Variants in CSMD1 observed in about 807,000 individuals in gnomAD.
CSMD1 encodes CUB and sushi domain-containing protein 1.
A neutral mutation model predicts 417.5 loss-of-function variants in CSMD1; 213 were observed. The observed-to-expected ratio is 0.51, with a 90% CI of 0.46 to 0.57. The LOEUF is 0.57. CSMD1 is among the 20% of genes least tolerant of loss of function. The pLI, the probability that CSMD1 is intolerant of heterozygous loss-of-function variation, is 0.00. For missense variants in CSMD1, 6,923 were observed against 4,529.7 expected (o/e 1.53, Z -15.17); for synonymous variants, 2,862 against 1,736.8 (o/e 1.65, Z -16.11).
intron 3 of CSMD1, among the ~76,000 whole-genome samples, chr8:4,276,416 T>G (rs971097797): frequency 1.3e-5 from 2 of 151,782 alleles, no homozygotes; most frequent in African/African-American, 4.8e-5. Flanking sequence ...TAAGTGGGAG[T>G]TGAACAATGA....
chr8:4,877,242 G>A (rs11782915), intron 1 of CSMD1, among the ~76,000 whole-genome samples: 36,274 of 151,868 alleles, frequency 0.24, 5,407 homozygotes, highest in Non-Finnish European at 0.31. Context: ...CTAAACAGAT[G>A]TACATAAGAA....
chr8:3,253,372 G>A (rs1319849712), intron 26 of CSMD1, among the ~76,000 whole-genome samples: 2 of 152,148 alleles, frequency 1.3e-5, no homozygotes, highest in Non-Finnish European at 2.9e-5. Context: ...GTTCTGGTTT[G>A]ATTGCACTGT....
Position 2,935,974 on chromosome 8 carries a change from A to T in CSMD1, c.*2611T>A, listed in dbSNP as rs1206949466. The T allele has an allele frequency of 1.3e-5, 2 of 152,234 alleles. No homozygotes were observed. The highest frequency in any genetic ancestry group is 4.8e-5 in the African/African-American group (2 of 41,464). The allele number at this position is 152,234 out of a possible 1,614,324, so 9.4% of individuals were successfully genotyped here. A position where few individuals can be genotyped will look rare whatever the true frequency, so the allele number is the denominator to read the frequency against. On this transcript the variant is annotated 3_prime_UTR_variant, in exon 70 of 70. Transcript: ENST00000635120. ...CCTCACGCGTGTTCCCGTTGCCTTCAGGGAAGAGTCTTCTAGACCTAACTC... is the reference window on the plus strand; with the variant it reads ...CCTCACGCGTGTTCCCGTTGCCTTCTGGGAAGAGTCTTCTAGACCTAACTC...
chr8:3,735,319 CACAA>C (rs772141664), intron 6 of CSMD1, among the ~76,000 whole-genome samples: 4 of 93,504 alleles, frequency 4.3e-5, no homozygotes, highest in Non-Finnish European at 8.5e-5. Context: ...AAACAAAACA[CACAA>C]ACACACACAC....
chr8:3,937,024 G>A (rs1049753001), intron 5 of CSMD1, among the ~76,000 whole-genome samples: 1 of 152,260 alleles, frequency 6.6e-6, no homozygotes, highest in South Asian at 2.1e-4. Flanking sequence ...GGTTTCAGTG[G>A]AGGAAGTAAC....
rs746268570 is a variant in CSMD1, at chr8:3,712,375, GGAGA to G, written c.932-3888_932-3885del. Among the ~76,000 whole-genome samples the G allele has an allele frequency of 5.8e-3, 651 of 112,298 alleles. 3 individuals carry two copies. Among genetic ancestry groups the G allele is most frequent in the African/African-American group, 0.02 (585 of 28,668 alleles). The allele number at this position is 112,298 out of a possible 152,430, so 73.7% of individuals were successfully genotyped here. A position where few individuals can be genotyped will look rare whatever the true frequency, so the allele number is the denominator to read the frequency against. The stretch of plus-strand genomic sequence containing the variant: ...AGAGATTTTCATTTGCAAAGAAACA[GGAGA>G]GAGAGAGAGAGAGAGAGAGAGACAG... On this transcript the variant is annotated intron_variant, in intron 6 of 69. Coordinates refer to ENST00000635120, the MANE Select transcript of CSMD1 (RefSeq NM_033225.6).
intron 3 of CSMD1, among the ~76,000 whole-genome samples, chr8:4,048,168 T>C (rs1046249280): frequency 6.6e-6 from 1 of 152,182 alleles, no homozygotes; most frequent in Admixed American, 6.5e-5. Context: ...AGTCAGACTT[T>C]GTTTTGGTTG....
intron 5 of CSMD1, among the ~76,000 whole-genome samples, chr8:3,855,262 T>C (rs1403459391): frequency 6.6e-6 from 1 of 152,212 alleles, no homozygotes; most frequent in Admixed American, 6.5e-5. Context: ...ATTTTTACTA[T>C]ATTGCATACA....
chr8:4,623,575 G>T (rs776450838), intron 2 of CSMD1, among the ~76,000 whole-genome samples: 5 of 151,806 alleles, frequency 3.3e-5, no homozygotes, highest in African/African-American at 9.7e-5. Context: ...AGGGGGGTGA[G>T]GGGGGAACAA....
At chr8:4,196,545 T>C (rs1402581786) in intron 3 of CSMD1, among the ~76,000 whole-genome samples, 2 of 152,136 alleles carry the variant, frequency 1.3e-5, no homozygotes, top group Non-Finnish European at 2.9e-5. Context: ...CTGTAAACTG[T>C]GAGTCATTCA....
In CSMD1 at chr8:3,362,114, G is replaced by A. The variant is rs552583265; in HGVS notation, c.3116-2774C>T. Reference sequence around the variant, plus strand: ...CTTATTTCCATCAAGATAAAAATATGCGTTACACGGTCAATCTTAAGAATG... The same window carrying A: ...CTTATTTCCATCAAGATAAAAATATACGTTACACGGTCAATCTTAAGAATG... On this transcript the variant is annotated intron_variant, in intron 20 of 69. Coordinates refer to ENST00000635120, the MANE Select transcript of CSMD1 (RefSeq NM_033225.6). Among the ~76,000 whole-genome samples, 283 of 152,034 alleles carry A rather than the reference G, an allele frequency of 1.9e-3. 1 individual carries two copies. The highest frequency in any genetic ancestry group is 3.1e-3 in the Non-Finnish European group (214 of 68,000).
intron 6 of CSMD1, among the ~76,000 whole-genome samples, chr8:3,709,894 T>C (rs10109819): frequency 0.34 from 49,633 of 147,786 alleles, 8,396 homozygotes; most frequent in East Asian, 0.5. Flanking sequence ...GAGATTCATA[T>C]AGATATGAAG....
chr8:3,707,869 A>C (rs1175316820), intron 7 of CSMD1, among the ~76,000 whole-genome samples: 1 of 152,154 alleles, frequency 6.6e-6, no homozygotes, highest in Non-Finnish European at 1.5e-5. Context: ...AGACACCTTC[A>C]TTCCTCCCAC....
chr8:3,580,900 T>C (rs1800355002), intron 9 of CSMD1, among the ~76,000 whole-genome samples: 2 of 152,338 alleles, frequency 1.3e-5, no homozygotes, highest in African/African-American at 4.8e-5. Context: ...AAGTTTTTGG[T>C]AAATGATGAG....
chr8:3,164,956 C>A (rs1431144090), intron 37 of CSMD1, among the ~76,000 whole-genome samples: 2 of 151,192 alleles, frequency 1.3e-5, no homozygotes, highest in East Asian at 1.9e-4. Flanking sequence ...AATTGATCCT[C>A]TGGGGAAAAA....
At chr8:3,870,120 G>T (rs1182014552) in intron 5 of CSMD1, among the ~76,000 whole-genome samples, 1 of 152,104 alleles carries the variant, frequency 6.6e-6, no homozygotes, top group South Asian at 2.1e-4. Flanking sequence ...CTATAAACAG[G>T]TAGAATAAAA....
chr8:4,194,266 A>C (rs1799203322), intron 3 of CSMD1, among the ~76,000 whole-genome samples: 1 of 152,162 alleles, frequency 6.6e-6, no homozygotes, highest in Non-Finnish European at 1.5e-5. Context: ...TGAATTTAGA[A>C]ATTATAATGA....
intron 5 of CSMD1, among the ~76,000 whole-genome samples, chr8:3,889,600 G>C (rs183120226): frequency 6.7e-6 from 1 of 149,326 alleles, no homozygotes; most frequent in Non-Finnish European, 1.5e-5. Flanking sequence ...TGCTCATTAG[G>C]TCATAAGTTC....
intron 8 of CSMD1, among the ~76,000 whole-genome samples, chr8:3,605,396 C>T (rs186493475): frequency 9.0e-4 from 137 of 152,338 alleles, no homozygotes; most frequent in African/African-American, 3.2e-3. Flanking sequence ...GGTGCCTCTG[C>T]TCTCGCTGGA....
Sources: allele counts gnomAD v4.1 joint callset (sites outside exome capture counted in the v4.1 genomes callset), GRCh38; gene constraint gnomAD v4.1.1; transcripts MANE v1.5; gene names NCBI Gene and HGNC (gene_info 2026-07-23, HGNC 2026-07-21).